The following EBPL variants were observed in gnomAD, a reference collection of about 807,000 sequenced individuals.
EBPL encodes EBP like, also known as emopamil-binding protein-like.
Under a neutral mutation model 19.0 loss-of-function variants are expected in EBPL, and 20 were observed. That is an observed-to-expected ratio of 1.05 (90% CI 0.74 to 1.53). EBPL has a LOEUF of 1.53. Among genes scored for constraint, EBPL ranks in the 40% most tolerant of loss-of-function variants. The pLI, the probability that EBPL is intolerant of heterozygous loss-of-function variation, is 0.00. For missense variants in EBPL, 219 were observed against 261.1 expected (o/e 0.84, Z 1.11); for synonymous variants, 107 against 117.0 (o/e 0.91, Z 0.55).
chr13:49,673,144 A>G (rs1594409470), intron 1 of EBPL, among the ~76,000 whole-genome samples: 1 of 152,166 alleles, frequency 6.6e-6, no homozygotes, highest in East Asian at 1.9e-4. Context: ...AACATCGAAT[A>G]CTGGTGAGGA....
At chr13:49,689,845 C>T (rs772448132) in intron 1 of EBPL, among the ~76,000 whole-genome samples, 1 of 152,134 alleles carries the variant, frequency 6.6e-6, no homozygotes, top group Non-Finnish European at 1.5e-5. Flanking sequence ...CAAGTGATAG[C>T]TTAAAAATCA....
At chr13:49,672,114 G>A (rs567402048) in intron 1 of EBPL, among the ~76,000 whole-genome samples, 1 of 152,234 alleles carries the variant, frequency 6.6e-6, no homozygotes, top group East Asian at 1.9e-4. Flanking sequence ...GCTCCCATTG[G>A]ATCACACATC....
intron 3 of EBPL, among the ~76,000 whole-genome samples, chr13:49,662,778 G>A (rs1019517345): frequency 9.2e-5 from 14 of 151,978 alleles, no homozygotes; most frequent in East Asian, 1.9e-4. Flanking sequence ...GACTACAGGC[G>A]TGTGCCACCA....
chr13:49,680,858 A>C (rs1178735389), intron 1 of EBPL, among the ~76,000 whole-genome samples: 1 of 151,984 alleles, frequency 6.6e-6, no homozygotes, highest in Non-Finnish European at 1.5e-5. Context: ...CAAAAAAAAT[A>C]TATGTGATAC....
At chr13:49,669,909 G>C in intron 1 of EBPL, 63 bp from the exon 2 acceptor site, 1 of 1,281,134 alleles carries the variant, frequency 7.8e-7, no homozygotes, top group East Asian at 2.3e-5. Flanking sequence ...TGGCACTGTA[G>C]ACACATGGCA....
intron 1 of EBPL, among the ~76,000 whole-genome samples, chr13:49,690,922 C>A (rs144393034): frequency 0.015 from 2,242 of 152,248 alleles, 32 homozygotes; most frequent in Middle Eastern, 0.037. Context: ...CTCAATTCTA[C>A]TCTCAATTAT....
At chr13:49,689,695 T>C (rs1323011989) in intron 1 of EBPL, among the ~76,000 whole-genome samples, 1 of 152,234 alleles carries the variant, frequency 6.6e-6, no homozygotes, top group Non-Finnish European at 1.5e-5. Context: ...TATACAGTTA[T>C]ACCCAGCCAA....
At chr13:49,673,986 C>CACACACACACACACACACAA in intron 1 of EBPL, among the ~76,000 whole-genome samples, 1 of 151,860 alleles carries the variant, frequency 6.6e-6, no homozygotes, top group Non-Finnish European at 1.5e-5. Flanking sequence ...CACACACACA[C>CACACACACACACACACACAA]ACACACCACA....
rs74077709 is a variant in EBPL at position 49,686,356 on chromosome 13, A to C, written c.171+4898T>G. The C allele has an allele frequency of 2.2e-3, 2,369 of 1,093,132 alleles. 37 individuals carry two copies. In the African/African-American group the frequency reaches 0.036, roughly 17 times the overall value. The allele number at this position is 1,093,132 out of a possible 1,614,324, so 67.7% of individuals were successfully genotyped here. ...CTCCGCCCACCACCAAACCTCCTGCAGGGCTTTCATCTACTGCCCAGCTTC... is the reference window on the plus strand; with the variant it reads ...CTCCGCCCACCACCAAACCTCCTGCCGGGCTTTCATCTACTGCCCAGCTTC... On this transcript the variant is annotated intron_variant, in intron 1 of 3. Transcript: ENST00000242827.
intron 1 of EBPL, among the ~76,000 whole-genome samples, chr13:49,684,227 A>G (rs1267805536): frequency 6.6e-6 from 1 of 152,240 alleles, no homozygotes. Flanking sequence ...CAAATTCACC[A>G]AACTGTACAC....
At position 49,687,692 on chromosome 13, in the gene EBPL, C is replaced by T. The variant is rs61959937; in HGVS notation, c.171+3562G>A. Among the ~76,000 whole-genome samples, 1,147 of 152,260 alleles carry T rather than the reference C, an allele frequency of 7.5e-3. 7 individuals carry two copies. Among genetic ancestry groups the T allele is most frequent in the Middle Eastern group, 0.017 (5 of 294 alleles). On this transcript the variant is annotated intron_variant, in intron 1 of 3. Coordinates refer to ENST00000242827, the MANE Select transcript of EBPL (RefSeq NM_032565.5). ...CACCACCAGCTCACAATAAGATGGACGCGTAGTTCTGGAGTTCCTTTCTTG... is the reference window on the plus strand; with the variant it reads ...CACCACCAGCTCACAATAAGATGGATGCGTAGTTCTGGAGTTCCTTTCTTG...
intron 1 of EBPL, 112 bp downstream of exon 1, chr13:49,691,142 G>T: frequency 1.0e-6 from 1 of 986,194 alleles, no homozygotes; most frequent in Non-Finnish European, 1.3e-6. Flanking sequence ...TGCAGCAGGG[G>T]GAGGGGCGGC....
intron 1 of EBPL, among the ~76,000 whole-genome samples, chr13:49,675,770 C>T (rs1173906351): frequency 6.6e-6 from 1 of 152,180 alleles, no homozygotes; most frequent in Non-Finnish European, 1.5e-5. Flanking sequence ...AGTTCCCACA[C>T]TGCTTTCTGC....
At chr13:49,688,914 G>C (rs1345444580) in intron 1 of EBPL, among the ~76,000 whole-genome samples, 1 of 152,130 alleles carries the variant, frequency 6.6e-6, no homozygotes, top group Non-Finnish European at 1.5e-5. Flanking sequence ...AGCCTCAACT[G>C]CTTAATTCAA....
At chr13:49,669,877 A>G (rs1399980417) in intron 1 of EBPL, 31 bp from the exon 2 acceptor site, 12 of 1,553,534 alleles carry the variant, frequency 7.7e-6, no homozygotes, top group Non-Finnish European at 1.1e-5. Flanking sequence ...ACATGCTCTA[A>G]TACAGCATCA....
intron 1 of EBPL, among the ~76,000 whole-genome samples, chr13:49,673,317 T>C (rs1323398840): frequency 6.6e-6 from 1 of 152,310 alleles, no homozygotes; most frequent in South Asian, 2.1e-4. Flanking sequence ...TAAAAACTTA[T>C]CATCTTTATA....
At chr13:49,661,633 T>C (rs1251549595) in intron 3 of EBPL, 1 of 647,616 alleles carries the variant, frequency 1.5e-6, no homozygotes, top group Non-Finnish European at 1.9e-6. Context: ...GGCCAAGCGA[T>C]GGGCAAGTAA....
chr13:49,688,885 T>G (rs772356399), intron 1 of EBPL, among the ~76,000 whole-genome samples: 1 of 152,124 alleles, frequency 6.6e-6, no homozygotes, highest in Non-Finnish European at 1.5e-5. Context: ...AAAGACAACA[T>G]GGGCATGTAT....
intron 1 of EBPL, among the ~76,000 whole-genome samples, chr13:49,678,433 T>C (rs915663518): frequency 6.6e-6 from 1 of 152,186 alleles, no homozygotes; most frequent in Non-Finnish European, 1.5e-5. Flanking sequence ...CATGGCGGGC[T>C]GCAAGTTCCG....
Sources: allele counts gnomAD v4.1 joint callset (sites outside exome capture counted in the v4.1 genomes callset), GRCh38; gene constraint gnomAD v4.1.1; transcripts MANE v1.5; gene names NCBI Gene and HGNC (gene_info 2026-07-23, HGNC 2026-07-21).